Variants in HPCAL1 observed in about 807,000 individuals in gnomAD.
The protein encoded by HPCAL1 is hippocalcin-like protein 1.
A neutral mutation model predicts 17.1 loss-of-function variants in HPCAL1; 8 were observed. The observed-to-expected ratio is 0.47, with a 90% CI of 0.27 to 0.84. HPCAL1 has a LOEUF of 0.84. Among genes scored for constraint, HPCAL1 ranks in the 40% least tolerant of loss-of-function variants. The pLI, the probability that HPCAL1 is intolerant of heterozygous loss-of-function variation, is 0.13. For missense variants in HPCAL1, 165 were observed against 271.1 expected, an observed-to-expected ratio of 0.61 and a Z score of 2.75; for synonymous variants, 112 against 111.4, an observed-to-expected ratio of 1.01 and a Z score of -0.03.
At position 10,331,669 on chromosome 2, in the gene HPCAL1, G is replaced by A. The variant is rs1300770574; in HGVS notation, c.-111+28492G>A. ...GCTGTCTGCCCCCCACTGCACGCCC[G>A]GCTGTCAGAGGCATCTGTCTCTTCC... is the stretch of plus-strand genomic sequence containing the variant. On this transcript the variant is annotated intron_variant, in intron 1 of 4. Transcript: ENST00000307845. The surrounding 1 kb of genome is among the most constrained non-coding windows in gnomAD (Gnocchi z 5.0). Among the ~76,000 whole-genome samples the A allele has an allele frequency of 2.0e-5, 3 of 152,150 alleles. No individual in the cohort carries two copies. Among genetic ancestry groups the A allele is most frequent in the Admixed American group, 6.5e-5 (1 of 15,284 alleles).
At chr2:10,307,692 G>A (rs1439302140) in intron 1 of HPCAL1, among the ~76,000 whole-genome samples, 1 of 152,130 alleles carries the variant, frequency 6.6e-6, no homozygotes, top group Admixed American at 6.5e-5. Flanking sequence ...GGAGAGTTTT[G>A]GAGCTCTTTG....
chr2:10,326,086 G>A (rs745753372), intron 1 of HPCAL1, among the ~76,000 whole-genome samples: 2 of 152,232 alleles, frequency 1.3e-5, no homozygotes, highest in African/African-American at 4.8e-5. Context: ...AGGCCTGTCC[G>A]TCATCCTCTC....
At chr2:10,303,266 C>A (rs1662382371) in intron 1 of HPCAL1, 89 bp downstream of exon 1, 1 of 152,412 alleles carries the variant, frequency 6.6e-6, no homozygotes, top group African/African-American at 2.4e-5. Context: ...GCGCTGCGAT[C>A]CGGCTCTTTG....
chr2:10,412,490 G>C (rs896108393), intron 2 of HPCAL1, among the ~76,000 whole-genome samples: 2 of 152,220 alleles, frequency 1.3e-5, no homozygotes, highest in African/African-American at 4.8e-5. Flanking sequence ...GCAGGAAAGG[G>C]CGTGTGCAGC....
chr2:10,398,049 C>T (rs1273365967), intron 2 of HPCAL1, among the ~76,000 whole-genome samples: 2 of 152,232 alleles, frequency 1.3e-5, no homozygotes, highest in South Asian at 4.1e-4. Context: ...CCTCCTCCCT[C>T]TCATGGTCTC....
At chr2:10,396,524 G>C (rs1000728342) in intron 1 of HPCAL1, among the ~76,000 whole-genome samples, 8 of 152,258 alleles carry the variant, frequency 5.3e-5, no homozygotes, top group Non-Finnish European at 1.0e-4. Flanking sequence ...CAGAGGTCCC[G>C]GCCACACTTA....
At chr2:10,333,096 G>T (rs1440366801) in intron 1 of HPCAL1, among the ~76,000 whole-genome samples, 1 of 152,256 alleles carries the variant, frequency 6.6e-6, no homozygotes, top group South Asian at 2.1e-4. Context: ...TGCCACCAGG[G>T]GCCTGACCTG....
chr2:10,410,344 C>T (rs1376517200), intron 2 of HPCAL1, among the ~76,000 whole-genome samples: 1 of 151,892 alleles, frequency 6.6e-6, no homozygotes, highest in Non-Finnish European at 1.5e-5. Flanking sequence ...CTTTAATTTA[C>T]AGGCAATACC....
intron 2 of HPCAL1, among the ~76,000 whole-genome samples, chr2:10,399,220 C>CCACCACCACCACCACCAT (rs1669273259): frequency 1.4e-5 from 1 of 73,424 alleles, no homozygotes; most frequent in Non-Finnish European, 2.9e-5. Context: ...ACCACCACCA[C>CCACCACCACCACCACCAT]CACCACCACC....
intron 1 of HPCAL1, among the ~76,000 whole-genome samples, chr2:10,322,174 C>T (rs900241974): frequency 2.0e-5 from 3 of 152,246 alleles, no homozygotes; most frequent in Admixed American, 6.5e-5. Flanking sequence ...AGGCATACCC[C>T]ATCATTCCTG....
intron 1 of HPCAL1, among the ~76,000 whole-genome samples, chr2:10,353,477 GC>G (rs1303255941): frequency 1.3e-5 from 2 of 152,192 alleles, no homozygotes; most frequent in Admixed American, 1.3e-4. Flanking sequence ...AGGGCCAGTG[GC>G]CCCTGGCAAC....
intron 1 of HPCAL1, among the ~76,000 whole-genome samples, chr2:10,306,315 C>A (rs1662616669): frequency 6.6e-6 from 1 of 152,030 alleles, no homozygotes; most frequent in South Asian, 2.1e-4. Context: ...AGTTTGTCAG[C>A]ACCTGATGTC....
Position 10,377,491 on chromosome 2 carries a change from G to A in HPCAL1, c.-110-19344G>A, listed in dbSNP as rs1053400019. ...CCACCTGCTGCCATCTGAGTGTCAC[G>A]ACCACACCCCCATCCCTGTCCTTTC... On this transcript the variant is annotated intron_variant, in intron 1 of 4. Coordinates refer to ENST00000307845, the MANE Select transcript of HPCAL1 (RefSeq NM_002149.4). This position sits in a 1 kb window ranked among gnomAD's most constrained non-coding sequence, Gnocchi z 5.9. Among the ~76,000 whole-genome samples the A allele has an allele frequency of 3.9e-5, 6 of 152,118 alleles. No individual in the cohort carries two copies. The highest frequency in any genetic ancestry group is 3.3e-4 in the Admixed American group (5 of 15,280).
Position 10,400,622 on chromosome 2 carries a change from G to A in HPCAL1, c.-25+3702G>A, listed in dbSNP as rs536781343. ...ACAATCCTCCTGTGTTGTACATTGAGGGTTATATTTAGGGTGACTTGGGAT... is the reference window on the plus strand; with the variant it reads ...ACAATCCTCCTGTGTTGTACATTGAAGGTTATATTTAGGGTGACTTGGGAT... On this transcript the variant is annotated intron_variant, in intron 2 of 4. Transcript: ENST00000307845. Among the ~76,000 whole-genome samples, 30 of 152,322 alleles carry A rather than the reference G, an allele frequency of 2.0e-4. 1 individual carries two copies. The South Asian group carries it at 6.0e-3, about 31-fold the overall frequency.
At position 10,343,037 on chromosome 2, in the gene HPCAL1, C is replaced by T. The variant is rs1665195060; in HGVS notation, c.-111+39860C>T. On this transcript the variant is annotated intron_variant, in intron 1 of 4. Transcript: ENST00000307845. This position sits in a 1 kb window ranked among gnomAD's most constrained non-coding sequence, Gnocchi z 4.8. ...TGTTGCAAGTTTTAAACTCAATGTG[C>T]CTCTGGATGTGTGTGTAGAGTAGGG... is the stretch of plus-strand genomic sequence containing the variant. Among the ~76,000 whole-genome samples the T allele has an allele frequency of 6.6e-6, 1 of 152,182 alleles. No individual in the cohort carries two copies. Among genetic ancestry groups the T allele is most frequent in the Non-Finnish European group, 1.5e-5 (1 of 68,048 alleles).
At chr2:10,386,430 G>A (rs181719084) in intron 1 of HPCAL1, among the ~76,000 whole-genome samples, 145 of 152,242 alleles carry the variant, frequency 9.5e-4, no homozygotes, top group African/African-American at 3.4e-3. Flanking sequence ...TCATTTACAT[G>A]TTTATTGAGA....
At chr2:10,401,703 T>C (rs1394051916) in intron 2 of HPCAL1, among the ~76,000 whole-genome samples, 4 of 152,172 alleles carry the variant, frequency 2.6e-5, no homozygotes, top group South Asian at 2.1e-4. Context: ...TAATTGGTTA[T>C]GGGATTATTC....
rs7584526 is a variant in HPCAL1, at chr2:10,394,941, A to G, written c.-110-1894A>G. Among the ~76,000 whole-genome samples, 60,974 of 151,430 alleles carry G rather than the reference A, an allele frequency of 0.4. 12,434 individuals carry two copies. Among genetic ancestry groups the G allele is most frequent in the South Asian group, 0.49 (2,352 of 4,788 alleles). The stretch of plus-strand genomic sequence containing the variant: ...CTCCCAGGTAGCTGGGACTACAGGC[A>G]CGCACCACCACGCATGGCTAATTTT... On this transcript the variant is annotated intron_variant, in intron 1 of 4. Coordinates refer to ENST00000307845, the MANE Select transcript of HPCAL1 (RefSeq NM_002149.4). This position sits in a 1 kb window ranked among gnomAD's most constrained non-coding sequence, Gnocchi z 5.0.
At chr2:10,405,212 C>T (rs996593900) in intron 2 of HPCAL1, among the ~76,000 whole-genome samples, 1 of 152,222 alleles carries the variant, frequency 6.6e-6, no homozygotes, top group Non-Finnish European at 1.5e-5. Flanking sequence ...CAGCAGGGCC[C>T]CTGGGTCTGC....
Sources: gnomAD v4.1 joint callset for allele counts (sites outside exome capture counted in the v4.1 genomes callset) on GRCh38, gnomAD v4.1.1 for gene constraint, Gnocchi (gnomAD v3.1) non-coding constraint, MANE v1.5 for transcripts, NCBI Gene and HGNC (gene_info 2026-07-23, HGNC 2026-07-21) for gene names.